Variants in DNAH6 observed in about 807,000 individuals in gnomAD.
DNAH6 encodes the protein axonemal beta dynein heavy chain 6.
In DNAH6, 340 loss-of-function variants were observed where a neutral mutation model predicts 491.4. The observed-to-expected ratio is 0.69, with a 90% CI of 0.63 to 0.76. The LOEUF is 0.76. Ranked by LOEUF, DNAH6 falls within the 30% of genes least tolerant of loss-of-function variation. DNAH6 has a pLI of 0.00. For missense variants in DNAH6, 4,443 were observed against 4,972.2 expected, an observed-to-expected ratio of 0.89 and a Z score of 3.20; for synonymous variants, 1,603 against 1,686.1, an observed-to-expected ratio of 0.95 and a Z score of 1.21.
At chr2:84,739,609 A>G (rs796257821) in intron 62 of DNAH6, among the ~76,000 whole-genome samples, 10 of 152,264 alleles carry the variant, frequency 6.6e-5, no homozygotes, top group African/African-American at 2.4e-4. Context: ...AAGTTCTGAA[A>G]GTCTTTCTTT....
At chr2:84,708,634 G>C (rs1181188995) in intron 54 of DNAH6, among the ~76,000 whole-genome samples, 1 of 150,514 alleles carries the variant, frequency 6.6e-6, no homozygotes, top group African/African-American at 2.4e-5. Context: ...ATAGAGGAGA[G>C]GAAGAAAGAA....
intron 18 of DNAH6, among the ~76,000 whole-genome samples, chr2:84,599,029 CAAAAA>C (rs35322585): frequency 1.8e-4 from 21 of 118,222 alleles, no homozygotes; most frequent in Non-Finnish European, 2.3e-4. Flanking sequence ...GACTCAGTTT[CAAAAA>C]AAAAAAAAAA....
rs750831253 is a variant in DNAH6 at position 84,812,478 on chromosome 2, A to G, written c.11877A>G (p.Pro3959=). 4.9e-5 allele frequency: 76 copies of G among 1,551,646 alleles called. No homozygotes were observed. The highest frequency in any genetic ancestry group is 6.5e-5 in the Non-Finnish European group (74 of 1,147,016). The change falls in exon 73 of 77, where the codon CCA becomes CCG. Residue 3959 remains proline, a synonymous_variant. Transcript: ENST00000389394. ...ACACAGCCTACCCATCCCTGAAGCC[A>G]CTAGGATCATGGGTCAAAGACCTTA... The part of the protein sequence containing the change: ...WSNTAYPSLK[P]LGSWVKDLIL...
At chr2:84,470,075 A>C in the DNAH6 span, among the ~76,000 whole-genome samples, 1 of 152,116 alleles carries the variant, frequency 6.6e-6, no homozygotes, top group African/African-American at 2.4e-5. Context: ...CCACTTACCC[A>C]AAGTCAGCCA....
rs575048893 is a variant in DNAH6, at chr2:84,677,259, A to G, written c.6744+123A>G. The G allele has an allele frequency of 7.4e-4, 966 of 1,309,414 alleles. 5 individuals carry two copies. The African/African-American group carries it at 0.012, about 16-fold the overall frequency. The allele number at this position is 1,309,414 out of a possible 1,614,324, so 81.1% of individuals were successfully genotyped here. On this transcript the variant is annotated intron_variant, in intron 41 of 76. Transcript: ENST00000389394. ...CCATCTATCCGTCTCTTTCCTGAGC[A>G]GGAAGCAGGTAAATATGGACTCCTG...
intron 20 of DNAH6, among the ~76,000 whole-genome samples, chr2:84,606,483 G>C (rs892132063): frequency 1.3e-5 from 2 of 152,156 alleles, no homozygotes; most frequent in Admixed American, 6.5e-5. Flanking sequence ...AGTAGTAGGG[G>C]AGGGAGGTGG....
At chr2:84,803,727 T>C (rs1679154885) in intron 70 of DNAH6, among the ~76,000 whole-genome samples, 2 of 152,168 alleles carry the variant, frequency 1.3e-5, no homozygotes, top group African/African-American at 4.8e-5. Flanking sequence ...AGTAATAATA[T>C]TAATTCTTGC....
intron 22 of DNAH6, among the ~76,000 whole-genome samples, chr2:84,614,170 T>C (rs1686604900): frequency 6.6e-6 from 1 of 152,044 alleles, no homozygotes. Flanking sequence ...CTTTTATCTT[T>C]TTATCCCTCA....
chr2:84,622,514 A>G (rs1429053713), intron 26 of DNAH6, among the ~76,000 whole-genome samples: 4 of 152,122 alleles, frequency 2.6e-5, no homozygotes, highest in African/African-American at 9.7e-5. Context: ...TTGGCCTCCC[A>G]AAGTGCTGGA....
At chr2:84,704,888 A>G (rs1696282979) in intron 51 of DNAH6, among the ~76,000 whole-genome samples, 1 of 152,198 alleles carries the variant, frequency 6.6e-6, no homozygotes, top group Admixed American at 6.5e-5. Flanking sequence ...GGCTCAGAGC[A>G]CCACATCACC....
chr2:84,498,095 G>A, the DNAH6 span, among the ~76,000 whole-genome samples: 276 of 152,322 alleles, frequency 1.8e-3, no homozygotes, highest in African/African-American at 6.4e-3. Flanking sequence ...ATCAGGTACT[G>A]CAGAAAACCA....
At chr2:84,612,738 A>G (rs1044756395) in intron 22 of DNAH6, among the ~76,000 whole-genome samples, 16 of 152,094 alleles carry the variant, frequency 1.1e-4, no homozygotes, top group Non-Finnish European at 2.1e-4. Flanking sequence ...ATAATGGCCC[A>G]TGTATGATCG....
chr2:84,633,626 C>T (rs1688602475), intron 29 of DNAH6, among the ~76,000 whole-genome samples: 2 of 151,746 alleles, frequency 1.3e-5, no homozygotes, highest in Non-Finnish European at 2.9e-5. Flanking sequence ...ACTCCTCTCC[C>T]TCTGTTTTGG....
chr2:84,810,713 A>G (rs1432510691), intron 72 of DNAH6, among the ~76,000 whole-genome samples: 1 of 152,212 alleles, frequency 6.6e-6, no homozygotes, highest in Non-Finnish European at 1.5e-5. Context: ...GGGGAATGCC[A>G]TCCTGGTGAA....
At chr2:84,813,371 A>C (rs1276832736) in intron 74 of DNAH6, among the ~76,000 whole-genome samples, 1 of 152,198 alleles carries the variant, frequency 6.6e-6, no homozygotes, top group Admixed American at 6.5e-5. Flanking sequence ...AAGTGCAGGC[A>C]CTGCTGCCTC....
At chr2:84,530,155 A>T (rs1228632298) in intron 4 of DNAH6, among the ~76,000 whole-genome samples, 3 of 152,172 alleles carry the variant, frequency 2.0e-5, no homozygotes, top group African/African-American at 7.2e-5. Flanking sequence ...TGTTGCCCTC[A>T]TGGAACTGAC....
Position 84,699,717 on chromosome 2 carries a change from A to G in DNAH6, c.7801A>G (p.Ile2601Val), listed in dbSNP as rs1371925112. 2 of 1,551,552 alleles carry G rather than the reference A, an allele frequency of 1.3e-6. No homozygotes were observed. Among genetic ancestry groups the G allele is most frequent in the African/African-American group, 2.7e-5 (2 of 73,176 alleles). Residue 2601 changes from isoleucine (I) to valine (V), a missense_variant, in exon 48 of 77, where the codon ATT (isoleucine) becomes GTT (valine). Ile to Val is a conservative substitution (Grantham distance 29). Coordinates refer to ENST00000389394, the MANE Select transcript of DNAH6 (RefSeq NM_001370.2). Reference sequence around the variant, plus strand: ...TCCATCCCTTGTGAATTGCTGCACCATTGACTGGTTTGTGCAGGTTGGTGA... The same window carrying G: ...TCCATCCCTTGTGAATTGCTGCACCGTTGACTGGTTTGTGCAGGTTGGTGA... ...MFPSLVNCCT[I>V]DWFVQWPREA...
intron 11 of DNAH6, among the ~76,000 whole-genome samples, chr2:84,568,396 A>T (rs1398408192): frequency 6.6e-6 from 1 of 152,230 alleles, no homozygotes. Flanking sequence ...GCCATAAAAA[A>T]GAATGAGATC....
intron 11 of DNAH6, among the ~76,000 whole-genome samples, chr2:84,570,054 T>C (rs989611428): frequency 2.0e-5 from 3 of 152,140 alleles, no homozygotes; most frequent in Non-Finnish European, 4.4e-5. Context: ...TTAGTTTCTA[T>C]GTATCATTCC....
Sources: allele counts gnomAD v4.1 joint callset (sites outside exome capture counted in the v4.1 genomes callset), GRCh38; gene constraint gnomAD v4.1.1; transcripts MANE v1.5; gene names NCBI Gene and HGNC (gene_info 2026-07-23, HGNC 2026-07-21).